PSEN1: variants seen among roughly 807,000 people sequenced by gnomAD.
PSEN1 encodes the protein presenilin 1, also known as presenilin-1.
Under a neutral mutation model 53.5 loss-of-function variants are expected in PSEN1, and 15 were observed. The observed-to-expected ratio is 0.28, with a 90% confidence interval of 0.19 to 0.43. PSEN1 has a LOEUF of 0.43. Ranked by LOEUF, PSEN1 falls within the 20% of genes least tolerant of loss-of-function variation. The probability of loss-of-function intolerance (pLI) is 1.00; values close to 1 mark genes in which losing one functional copy is unlikely to be tolerated. For missense variants in PSEN1, 387 were observed against 571.2 expected (o/e 0.68, Z 3.29); for synonymous variants, 208 against 209.8 (o/e 0.99, Z 0.08).
At chr14:73,216,064 G>A (rs1899900222) in intron 10 of PSEN1, among the ~76,000 whole-genome samples, 1 of 151,566 alleles carries the variant, frequency 6.6e-6, no homozygotes, top group Non-Finnish European at 1.5e-5. Context: ...CCATCAACTG[G>A]TAAATGGATA....
chr14:73,151,380 C>A (rs1466931658), intron 3 of PSEN1, among the ~76,000 whole-genome samples: 1 of 152,086 alleles, frequency 6.6e-6, no homozygotes. Flanking sequence ...ATATATGGAT[C>A]TTAGAACTAT....
intron 7 of PSEN1, among the ~76,000 whole-genome samples, chr14:73,197,487 A>G (rs1899002977): frequency 6.6e-6 from 1 of 152,226 alleles, no homozygotes; most frequent in Non-Finnish European, 1.5e-5. Context: ...CTCTTACTTC[A>G]AGTACTTCTC....
At chr14:73,152,699 C>T (rs1897261801) in intron 3 of PSEN1, among the ~76,000 whole-genome samples, 1 of 151,966 alleles carries the variant, frequency 6.6e-6, no homozygotes, top group Non-Finnish European at 1.5e-5. Flanking sequence ...TTATATTATG[C>T]CCTTGTCATC....
intron 1 of PSEN1, among the ~76,000 whole-genome samples, chr14:73,143,769 T>C (rs1370905270): frequency 2.0e-5 from 3 of 152,048 alleles, no homozygotes; most frequent in East Asian, 3.9e-4. Context: ...TCCTGGCTAG[T>C]TGGGAGACTG....
chr14:73,183,771 G>A (rs1898311026), intron 5 of PSEN1, among the ~76,000 whole-genome samples: 2 of 151,284 alleles, frequency 1.3e-5, no homozygotes, highest in Non-Finnish European at 2.9e-5. Context: ...ATTCCACAAA[G>A]CCGCCATTGT....
chr14:73,191,670 C>G (rs1305963957), intron 6 of PSEN1, among the ~76,000 whole-genome samples: 1 of 152,046 alleles, frequency 6.6e-6, no homozygotes, highest in East Asian at 1.9e-4. Flanking sequence ...CCCCAGCCTC[C>G]TGAGTAGCTG....
At position 73,222,406 on chromosome 14, in the gene PSEN1, G is replaced by A. The variant is rs1900134962; in HGVS notation, c.*3117G>A. ...CTTGTTATTTACGTGGCCTCAGACA[G>A]TGTATGTATTCTCGATATAACTTGT... On this transcript the variant is annotated 3_prime_UTR_variant, in exon 12 of 12. Transcript: ENST00000324501. The A allele has an allele frequency of 6.6e-6, 1 of 152,202 alleles. No homozygotes were observed. Among genetic ancestry groups the A allele is most frequent in the Non-Finnish European group, 1.5e-5 (1 of 68,042 alleles). 9.4% of individuals were successfully genotyped at this position (152,202 alleles called of 1,614,324 possible). A position where few individuals can be genotyped will look rare whatever the true frequency, so the allele number is the denominator to read the frequency against.
At chr14:73,206,854 A>G (rs990657696) in intron 9 of PSEN1, among the ~76,000 whole-genome samples, 7 of 152,234 alleles carry the variant, frequency 4.6e-5, no homozygotes, top group Admixed American at 3.3e-4. Flanking sequence ...AAAGAAACAG[A>G]CAATAAAGGA....
intron 4 of PSEN1, among the ~76,000 whole-genome samples, chr14:73,172,621 A>G (rs1205692151): frequency 6.6e-6 from 1 of 152,256 alleles, no homozygotes; most frequent in East Asian, 1.9e-4. Flanking sequence ...GAGTGTTTGC[A>G]CTGGAGACCA....
At chr14:73,162,445 G>GCA (rs1326903978) in intron 3 of PSEN1, among the ~76,000 whole-genome samples, 1 of 142,298 alleles carries the variant, frequency 7.0e-6, no homozygotes, top group Non-Finnish European at 1.6e-5. Flanking sequence ...GCTCGCTCGC[G>GCA]CGCTCTCTCT....
Position 73,192,761 on chromosome 14 carries a change from G to A in PSEN1, c.666G>A (p.Gln222=). 4 of 1,613,970 alleles carry A rather than the reference G, an allele frequency of 2.5e-6. No individual in the cohort carries two copies. The highest frequency in any genetic ancestry group is 3.4e-6 in the Non-Finnish European group (4 of 1,179,866). Residue 222 remains glutamine (Q), a synonymous_variant, in exon 7 of 12, where the codon CAG becomes CAA. Transcript: ENST00000324501. The stretch of plus-strand genomic sequence containing the variant: ...ACTGGAAAGGTCCACTTCGACTCCA[G>A]CAGGCATATCTCATTATGATTAGTG... ...SIHWKGPLRL[Q]QAYLIMISAL...
intron 5 of PSEN1, among the ~76,000 whole-genome samples, chr14:73,186,514 C>T (rs1337066092): frequency 6.6e-6 from 1 of 151,942 alleles, no homozygotes; most frequent in Non-Finnish European, 1.5e-5. Flanking sequence ...TAGTGGTGCA[C>T]ATCTGTAATC....
At chr14:73,192,983 A>G (rs2140094170) in intron 7 of PSEN1, 119 bp downstream of exon 7, 1 of 817,056 alleles carries the variant, frequency 1.2e-6, no homozygotes, top group Non-Finnish European at 2.1e-6. Context: ...ATAACTCTTC[A>G]GTAAATCATT....
intron 1 of PSEN1, among the ~76,000 whole-genome samples, chr14:73,139,934 A>G (rs1896871368): frequency 1.3e-5 from 2 of 152,212 alleles, no homozygotes; most frequent in Non-Finnish European, 2.9e-5. Context: ...CAAAAGAAAG[A>G]CTGCAGGCAA....
At chr14:73,204,492 T>G (rs1899368067) in intron 8 of PSEN1, among the ~76,000 whole-genome samples, 1 of 151,604 alleles carries the variant, frequency 6.6e-6, no homozygotes, top group South Asian at 2.1e-4. Context: ...TGGCTTGTTT[T>G]TGTACAGCTT....
chr14:73,144,310 G>GA lies in PSEN1; in HGVS notation c.-135-3484dup, dbSNP rs552481597. 4.3e-4 allele frequency among the ~76,000 whole-genome samples: 65 copies of GA among 152,186 alleles called. 2 individuals are homozygous for GA. The highest frequency in any genetic ancestry group is 1.4e-3 in the African/African-American group (59 of 41,532). ...CCACCTTGGCCTCCCAAAGTGCTGGGATTACAGGCGTGAGCCACTGCGCCC... is the reference window on the plus strand; with the variant it reads ...CCACCTTGGCCTCCCAAAGTGCTGGGAATTACAGGCGTGAGCCACTGCGCCC... On this transcript the variant is annotated intron_variant, in intron 1 of 11. Transcript: ENST00000324501.
In PSEN1 at chr14:73,219,735, C is replaced by G. The variant is rs1028833674; in HGVS notation, c.*446C>G. ...CACGTTGAAAATCAACCCAATAATTCTGTATTAACTGAATTCTGAACTTTT... is the reference window on the plus strand; with the variant it reads ...CACGTTGAAAATCAACCCAATAATTGTGTATTAACTGAATTCTGAACTTTT... On this transcript the variant is annotated 3_prime_UTR_variant, in exon 12 of 12. Coordinates refer to ENST00000324501, the MANE Select transcript of PSEN1 (RefSeq NM_000021.4). 1 of 200,466 alleles carries G rather than the reference C, an allele frequency of 5.0e-6. No homozygotes were observed. Among genetic ancestry groups the G allele is most frequent in the Admixed American group, 5.4e-5 (1 of 18,590 alleles). The allele number at this position is 200,466 out of a possible 1,614,324, so 12.4% of individuals were successfully genotyped here.
chr14:73,152,764 T>C (rs1162200949), intron 3 of PSEN1, among the ~76,000 whole-genome samples: 2 of 151,016 alleles, frequency 1.3e-5, no homozygotes, highest in Admixed American at 6.6e-5. Flanking sequence ...AAATATTCGC[T>C]GGGCATGGTG....
At position 73,170,964 on chromosome 14, in the gene PSEN1, C is replaced by T. The variant is rs768521549; in HGVS notation, c.255C>T (p.Leu85=). 2 of 1,614,214 alleles carry T rather than the reference C, an allele frequency of 1.2e-6. No individual in the cohort carries two copies. Among genetic ancestry groups the T allele is most frequent in the Admixed American group, 3.3e-5 (2 of 60,024 alleles). Residue 85 remains leucine (L), a synonymous_variant, in exon 4 of 12, where the codon CTC becomes CTT. Coordinates refer to ENST00000324501, the MANE Select transcript of PSEN1 (RefSeq NM_000021.4). The part of the protein sequence containing the change: ...LKYGAKHVIM[L]FVPVTLCMVV... ...ATGGCGCCAAGCATGTGATCATGCT[C>T]TTTGTCCCTGTGACTCTCTGCATGG... is the stretch of plus-strand genomic sequence containing the variant.
Sources: gnomAD v4.1 joint callset for allele counts (sites outside exome capture counted in the v4.1 genomes callset) on GRCh38, gnomAD v4.1.1 for gene constraint, MANE v1.5 for transcripts, NCBI Gene and HGNC (gene_info 2026-07-23, HGNC 2026-07-21) for gene names.